Variants in LPP observed in about 807,000 individuals in gnomAD.
The protein encoded by LPP is LIM domain containing preferred translocation partner in lipoma.
A neutral mutation model predicts 60.4 loss-of-function variants in LPP; 38 were observed. The observed-to-expected ratio is 0.63, with a 90% CI of 0.49 to 0.83. The LOEUF (loss-of-function observed/expected upper bound fraction) is 0.83. Among genes scored for constraint, LPP ranks in the 40% least tolerant of loss-of-function variants. The probability of loss-of-function intolerance (pLI) is 0.00; values close to 1 mark genes in which losing one functional copy is unlikely to be tolerated. For missense variants in LPP, 902 were observed against 783.6 expected (o/e 1.15, Z -1.80); for synonymous variants, 328 against 290.8 (o/e 1.13, Z -1.30).
chr3:188,574,205 C>T (rs2150888530), intron 6 of LPP, among the ~76,000 whole-genome samples: 1 of 152,248 alleles, frequency 6.6e-6, no homozygotes, highest in East Asian at 1.9e-4. Context: ...CTCTCTGTCT[C>T]TTTCTGAAAA....
chr3:188,250,722 CTCTCTT>C (rs1172780988), intron 2 of LPP, among the ~76,000 whole-genome samples: 21 of 137,224 alleles, frequency 1.5e-4, no homozygotes, highest in Admixed American at 1.1e-3. Context: ...TTCTTTCTTT[CTCTCTT>C]TCTTTCTTTC....
At chr3:188,813,934 T>C (rs1351612057) in intron 9 of LPP, among the ~76,000 whole-genome samples, 1 of 152,018 alleles carries the variant, frequency 6.6e-6, no homozygotes, top group Non-Finnish European at 1.5e-5. Flanking sequence ...TAGGTAGGTA[T>C]GGTGGTGCAC....
At chr3:188,224,211 C>T (rs1371766481) in intron 1 of LPP, among the ~76,000 whole-genome samples, 3 of 152,020 alleles carry the variant, frequency 2.0e-5, no homozygotes, top group Non-Finnish European at 2.9e-5. Context: ...CCCAGGCCAC[C>T]GGGTTCTCTT....
At chr3:188,566,311 C>T (rs892100488) in intron 6 of LPP, among the ~76,000 whole-genome samples, 6 of 151,864 alleles carry the variant, frequency 4.0e-5, no homozygotes, top group Non-Finnish European at 8.8e-5. Flanking sequence ...AGTCAGCAAA[C>T]AACCTTTCTG....
intron 6 of LPP, among the ~76,000 whole-genome samples, chr3:188,550,696 T>G (rs1827900593): frequency 6.6e-6 from 1 of 152,240 alleles, no homozygotes; most frequent in Non-Finnish European, 1.5e-5. Context: ...GCTGGTTAGC[T>G]GCACTTACTG....
intron 6 of LPP, among the ~76,000 whole-genome samples, chr3:188,576,994 C>G (rs935824738): frequency 6.6e-6 from 1 of 152,092 alleles, no homozygotes; most frequent in Non-Finnish European, 1.5e-5. Context: ...CCTCATTTCC[C>G]CTTGGGTAAA....
chr3:188,589,413 A>T (rs2151075199), intron 6 of LPP, among the ~76,000 whole-genome samples: 1 of 152,266 alleles, frequency 6.6e-6, no homozygotes, highest in East Asian at 1.9e-4. Flanking sequence ...CTGTCCTATG[A>T]ATGCCAATTC....
intron 2 of LPP, among the ~76,000 whole-genome samples, chr3:188,276,758 GTGCCTGCTCCCTTTTGACTTC>G (rs1305672373): frequency 6.6e-6 from 1 of 150,700 alleles, no homozygotes; most frequent in Non-Finnish European, 1.5e-5. Flanking sequence ...GCCATGTGAA[GTGCCTGCTCCCTTTTGACTTC>G]TGCCACGTTG....
intron 7 of LPP, among the ~76,000 whole-genome samples, chr3:188,660,637 C>G (rs1854354373): frequency 1.1e-5 from 1 of 93,104 alleles, no homozygotes; most frequent in Non-Finnish European, 2.1e-5. Flanking sequence ...AATGGTTTTC[C>G]AAAGATCTGT....
intron 9 of LPP, among the ~76,000 whole-genome samples, chr3:188,863,694 T>C (rs891809245): frequency 3.3e-5 from 5 of 152,182 alleles, no homozygotes; most frequent in African/African-American, 1.2e-4. Flanking sequence ...GAACCTTTAT[T>C]TTCCAATTTG....
In LPP at chr3:188,197,722, G is replaced by A. The variant is rs867849881; in HGVS notation, c.-189-27683G>A. On this transcript the variant is annotated intron_variant, in intron 1 of 11. Coordinates refer to ENST00000617246, the MANE Select transcript of LPP (RefSeq NM_001375462.1). ...CCAGGCGGCACTGGAGCAGAGCTGA[G>A]CTAATTTTACCCACAGGAGCTGACT... Among the ~76,000 whole-genome samples, 6 of 151,982 alleles carry A rather than the reference G, an allele frequency of 3.9e-5. No individual in the cohort carries two copies. In the South Asian group the frequency reaches 6.2e-4, roughly 16 times the overall value.
intron 3 of LPP, among the ~76,000 whole-genome samples, chr3:188,400,818 G>A (rs1782059095): frequency 6.6e-6 from 1 of 152,158 alleles, no homozygotes; most frequent in Non-Finnish European, 1.5e-5. Context: ...GGAAGTAAGA[G>A]CAGTGTAAAT....
chr3:188,646,513 G>A (rs1259365564), intron 7 of LPP, among the ~76,000 whole-genome samples: 1 of 152,170 alleles, frequency 6.6e-6, no homozygotes, highest in African/African-American at 2.4e-5. Flanking sequence ...TTTGTTATCT[G>A]TTTTACTAAT....
At chr3:188,546,260 T>G (rs1038068312) in intron 6 of LPP, among the ~76,000 whole-genome samples, 1 of 152,222 alleles carries the variant, frequency 6.6e-6, no homozygotes, top group South Asian at 2.1e-4. Flanking sequence ...TTCACCACTC[T>G]GCCAGATTAT....
chr3:188,273,177 G>A (rs1383058982), intron 2 of LPP, among the ~76,000 whole-genome samples: 1 of 152,204 alleles, frequency 6.6e-6, no homozygotes, highest in African/African-American at 2.4e-5. Flanking sequence ...GGTAGAGGAT[G>A]GGATTGAATT....
intron 5 of LPP, among the ~76,000 whole-genome samples, chr3:188,488,055 A>G (rs1807129571): frequency 6.7e-6 from 1 of 149,468 alleles, no homozygotes; most frequent in Non-Finnish European, 1.5e-5. Context: ...GGAAACTGAG[A>G]CCCAAGAAGG....
intron 7 of LPP, among the ~76,000 whole-genome samples, chr3:188,654,324 A>C (rs1852693417): frequency 6.6e-6 from 1 of 152,240 alleles, no homozygotes; most frequent in South Asian, 2.1e-4. Flanking sequence ...CAGGGAAAGG[A>C]GTGTTAGGAA....
intron 7 of LPP, among the ~76,000 whole-genome samples, chr3:188,703,208 A>G (rs1254572298): frequency 6.6e-6 from 1 of 152,246 alleles, no homozygotes; most frequent in Non-Finnish European, 1.5e-5. Flanking sequence ...GAGAAACAAA[A>G]ATAACACAAA....
At chr3:188,757,890 T>TTTTTTGTTG in intron 8 of LPP, among the ~76,000 whole-genome samples, 1 of 48,604 alleles carries the variant, frequency 2.1e-5, no homozygotes, top group African/African-American at 9.1e-5. Context: ...GTTTTTTTGG[T>TTTTTTGTTG]TTTTTTTTTT....
Sources: allele counts gnomAD v4.1 joint callset (sites outside exome capture counted in the v4.1 genomes callset), GRCh38; gene constraint gnomAD v4.1.1; transcripts MANE v1.5; gene names NCBI Gene and HGNC (gene_info 2026-07-23, HGNC 2026-07-21).